The following AK5 variants were observed in gnomAD, a reference collection of about 807,000 sequenced individuals.
AK5 encodes adenylate kinase 5, also known as adenylate kinase isoenzyme 5.
AK5 carries 27 observed loss-of-function variants against 69.5 expected under a neutral mutation model. The observed-to-expected ratio is 0.39, with a 90% CI of 0.29 to 0.54. The LOEUF is 0.54. AK5 is among the 20% of genes least tolerant of loss of function. The probability of loss-of-function intolerance (pLI) is 0.71; values close to 1 mark genes in which losing one functional copy is unlikely to be tolerated. For synonymous variants in AK5, 260 were observed against 244.4 expected (o/e 1.06, Z -0.60); for missense variants, 531 against 700.4 (o/e 0.76, Z 2.73).
At chr1:77,291,094 G>A (rs1658661321) in intron 2 of AK5, among the ~76,000 whole-genome samples, 1 of 152,172 alleles carries the variant, frequency 6.6e-6, no homozygotes, top group South Asian at 2.1e-4. Flanking sequence ...AGGGAACAGA[G>A]AAGAGAATTT....
At chr1:77,296,430 A>C (rs1264154998) in intron 3 of AK5, among the ~76,000 whole-genome samples, 1 of 152,192 alleles carries the variant, frequency 6.6e-6, no homozygotes, top group African/African-American at 2.4e-5. Context: ...AATTAATGGC[A>C]GAGAATATCT....
At chr1:77,391,495 GTATATATATATATATA>G (rs753916010) in intron 6 of AK5, among the ~76,000 whole-genome samples, 2 of 63,416 alleles carry the variant, frequency 3.2e-5, no homozygotes, top group Middle Eastern at 6.0e-3. Flanking sequence ...GTGTGTGTGT[GTATATATATATATATA>G]TATATATATA....
intron 12 of AK5, among the ~76,000 whole-genome samples, chr1:77,525,016 C>T (rs1406502702): frequency 1.3e-5 from 2 of 152,198 alleles, no homozygotes; most frequent in African/African-American, 4.8e-5. Context: ...AAGCAATTCT[C>T]GTGCCTCAGC....
At chr1:77,357,717 G>A (rs1662607965) in intron 6 of AK5, among the ~76,000 whole-genome samples, 1 of 152,150 alleles carries the variant, frequency 6.6e-6, no homozygotes, top group South Asian at 2.1e-4. Flanking sequence ...TTTTCAAAAT[G>A]ACTAAATCAG....
chr1:77,318,795 C>A (rs1211975877), intron 5 of AK5, among the ~76,000 whole-genome samples: 1 of 151,606 alleles, frequency 6.6e-6, no homozygotes, highest in Non-Finnish European at 1.5e-5. Context: ...AGATTTCTGT[C>A]TACTCTCCAC....
In AK5 at chr1:77,317,957, A is replaced by G. The variant is rs940090285; in HGVS notation, c.699+20010A>G. The stretch of plus-strand genomic sequence containing the variant: ...ATTAGCATGCAAACTTTAGTCTATA[A>G]TGGCACACAGCAAAGATTCTCAGCC... On this transcript the variant is annotated intron_variant, in intron 5 of 13. Transcript: ENST00000354567. Among the ~76,000 whole-genome samples, 4 of 152,210 alleles carry G rather than the reference A, an allele frequency of 2.6e-5. No individual in the cohort carries two copies. The East Asian group carries it at 7.7e-4, about 29-fold the overall frequency.
rs574941704 is a variant in AK5, at chr1:77,550,109, G to A, written c.1621-8493G>A. Among the ~76,000 whole-genome samples the A allele has an allele frequency of 4.6e-5, 7 of 152,188 alleles. No homozygotes were observed. The East Asian group carries it at 1.4e-3, about 29-fold the overall frequency. Reference sequence around the variant, plus strand: ...CCAGTAGCTAGGACTACTGGCATGTGCCTAGCTAATTTTTTTATTTTTGTA... The same window carrying A: ...CCAGTAGCTAGGACTACTGGCATGTACCTAGCTAATTTTTTTATTTTTGTA... On this transcript the variant is annotated intron_variant, in intron 13 of 13. Transcript: ENST00000354567.
At chr1:77,342,390 C>T (rs1661700774) in intron 6 of AK5, among the ~76,000 whole-genome samples, 2 of 152,120 alleles carry the variant, frequency 1.3e-5, no homozygotes, top group South Asian at 2.1e-4. Context: ...CAAATGAATG[C>T]GGAGTGGATA....
chr1:77,385,413 C>A (rs1647951675), intron 6 of AK5, among the ~76,000 whole-genome samples: 2 of 152,166 alleles, frequency 1.3e-5, no homozygotes, highest in Non-Finnish European at 2.9e-5. Context: ...CCCACCTTGG[C>A]CTCCCAAAGT....
intron 6 of AK5, among the ~76,000 whole-genome samples, chr1:77,348,482 A>G (rs1014706533): frequency 2.0e-5 from 3 of 151,774 alleles, no homozygotes; most frequent in African/African-American, 7.3e-5. Context: ...CATGTTGTGC[A>G]CATGTACCCT....
intron 8 of AK5, among the ~76,000 whole-genome samples, chr1:77,446,685 T>C (rs1191899780): frequency 1.3e-5 from 2 of 152,172 alleles, no homozygotes; most frequent in African/African-American, 4.8e-5. Context: ...ATAAATGGGA[T>C]TGTTTTCTTG....
chr1:77,419,390 AC>A (rs1650653556), intron 8 of AK5, among the ~76,000 whole-genome samples: 3 of 152,052 alleles, frequency 2.0e-5, no homozygotes, highest in South Asian at 4.2e-4. Context: ...AAGACTCCAC[AC>A]CCCCCAAGAA....
intron 6 of AK5, among the ~76,000 whole-genome samples, chr1:77,393,402 C>A (rs1338109487): frequency 6.6e-6 from 1 of 152,142 alleles, no homozygotes; most frequent in Non-Finnish European, 1.5e-5. Flanking sequence ...AAGCTAGGCA[C>A]AGATTGGGAC....
intron 1 of AK5, among the ~76,000 whole-genome samples, chr1:77,284,886 C>G (rs1557461032): frequency 6.6e-6 from 1 of 152,144 alleles, no homozygotes; most frequent in African/African-American, 2.4e-5. Flanking sequence ...TTTAAGGACG[C>G]TGGAAATGTA....
chr1:77,554,028 C>T (rs976302788), intron 13 of AK5, among the ~76,000 whole-genome samples: 5 of 152,184 alleles, frequency 3.3e-5, no homozygotes, highest in African/African-American at 1.2e-4. Flanking sequence ...ACCTTGAAAA[C>T]ATTATGCCAA....
intron 1 of AK5, chr1:77,283,683 A>C: frequency 1.1e-6 from 1 of 895,412 alleles, no homozygotes; most frequent in African/African-American, 1.8e-5. Flanking sequence ...CCTGCGTGAA[A>C]ATAATTAGGT....
chr1:77,521,829 C>T lies in AK5; in HGVS notation c.1314C>T (p.Gly438=), dbSNP rs148262226. 2.0e-5 allele frequency: 32 copies of T among 1,612,598 alleles called. No individual in the cohort carries two copies. In the African/African-American group the frequency reaches 2.9e-4, roughly 15 times the overall value. ...TGACCACTCTCGCTTTGCTCCAGGG[C>T]ATCGTTTTGGAGCTCCTGAAGGAGG... ...IMERGDLVPS[G]IVLELLKEAM... The change falls in exon 12 of 14, where the codon GGC becomes GGT. Residue 438 remains glycine (G), a splice_region_variant and synonymous_variant. Coordinates refer to ENST00000354567, the MANE Select transcript of AK5 (RefSeq NM_174858.3).
intron 2 of AK5, among the ~76,000 whole-genome samples, chr1:77,289,268 T>G (rs552051764): frequency 6.6e-6 from 1 of 152,286 alleles, no homozygotes; most frequent in Non-Finnish European, 1.5e-5. Flanking sequence ...GGTTGTATCT[T>G]TAGCCAGTTG....
At chr1:77,490,022 T>G (rs908858919) in intron 10 of AK5, among the ~76,000 whole-genome samples, 1 of 152,180 alleles carries the variant, frequency 6.6e-6, no homozygotes, top group Non-Finnish European at 1.5e-5. Context: ...GCGCTCCTCC[T>G]CCCTTGTGTC....
Sources: allele counts gnomAD v4.1 joint callset (sites outside exome capture counted in the v4.1 genomes callset), GRCh38; gene constraint gnomAD v4.1.1; transcripts MANE v1.5; gene names NCBI Gene and HGNC (gene_info 2026-07-23, HGNC 2026-07-21).